The following TM9SF2 variants were observed in gnomAD, a reference collection of about 807,000 sequenced individuals.
The protein encoded by TM9SF2 is transmembrane 9 superfamily member 2.
Under a neutral mutation model 84.9 loss-of-function variants are expected in TM9SF2, and 13 were observed. That is an observed-to-expected ratio of 0.15 (90% CI 0.10 to 0.24). The LOEUF (loss-of-function observed/expected upper bound fraction) is 0.24. Among genes scored for constraint, TM9SF2 ranks in the 10% least tolerant of loss-of-function variants. The pLI is 1.00. For synonymous variants in TM9SF2, 273 were observed against 285.8 expected (o/e 0.96, Z 0.45); for missense variants, 562 against 818.5 (o/e 0.69, Z 3.82).
At chr13:99,529,873 A>G (rs28604874) in intron 4 of TM9SF2, among the ~76,000 whole-genome samples, 1 of 152,198 alleles carries the variant, frequency 6.6e-6, no homozygotes. Flanking sequence ...ATTCACATAC[A>G]GGCATACCTT....
chr13:99,518,634 T>A (rs2046145090), intron 2 of TM9SF2, among the ~76,000 whole-genome samples: 1 of 152,234 alleles, frequency 6.6e-6, no homozygotes, highest in African/African-American at 2.4e-5. Context: ...TCTTGCTCTG[T>A]TGCCCAGGCT....
chr13:99,524,216 C>T (rs758338576), intron 3 of TM9SF2, among the ~76,000 whole-genome samples: 18 of 152,172 alleles, frequency 1.2e-4, no homozygotes, highest in Non-Finnish European at 2.5e-4. Flanking sequence ...GAGAATGGAC[C>T]GTGGGGGTGC....
intron 10 of TM9SF2, among the ~76,000 whole-genome samples, chr13:99,546,615 A>C (rs2046283669): frequency 6.6e-6 from 1 of 151,928 alleles, no homozygotes; most frequent in Non-Finnish European, 1.5e-5. Flanking sequence ...TTAATGAAAG[A>C]ACAGTGGGAA....
At chr13:99,556,429 A>G (rs1190187802) in intron 15 of TM9SF2, among the ~76,000 whole-genome samples, 1 of 152,204 alleles carries the variant, frequency 6.6e-6, no homozygotes. Context: ...TTAGCAGCCA[A>G]CGGTCTGCTT....
chr13:99,561,136 G>A (rs1244372822), intron 16 of TM9SF2, among the ~76,000 whole-genome samples: 2 of 152,176 alleles, frequency 1.3e-5, no homozygotes, highest in Non-Finnish European at 2.9e-5. Flanking sequence ...GTGAACAGGT[G>A]GAAGCATTCT....
intron 14 of TM9SF2, among the ~76,000 whole-genome samples, 182 bp from the exon 15 acceptor site, chr13:99,555,354 A>G (rs749632651): frequency 2.2e-4 from 34 of 152,190 alleles, no homozygotes; most frequent in Non-Finnish European, 3.2e-4. Context: ...TGATACTGAC[A>G]TATCCTTCCT....
At chr13:99,512,045 C>T (rs1423189906) in intron 1 of TM9SF2, among the ~76,000 whole-genome samples, 1 of 152,170 alleles carries the variant, frequency 6.6e-6, no homozygotes, top group Non-Finnish European at 1.5e-5. Context: ...TAATAAGGTT[C>T]AGAAGGCTGA....
rs545335686 is a variant in TM9SF2, at chr13:99,519,214, T to A, written c.240-822T>A. On this transcript the variant is annotated intron_variant, in intron 2 of 16. Coordinates refer to ENST00000376387, the MANE Select transcript of TM9SF2 (RefSeq NM_004800.3). ...TTTCCAGTTTTTGTTTTGTTAAACATCTTTAAATCTTTGTGGATATTCTTA... is the reference window on the plus strand; with the variant it reads ...TTTCCAGTTTTTGTTTTGTTAAACAACTTTAAATCTTTGTGGATATTCTTA... 3.0e-4 allele frequency among the ~76,000 whole-genome samples: 46 copies of A among 152,254 alleles called. 1 individual carries two copies. In the South Asian group the frequency reaches 7.3e-3, roughly 24 times the overall value.
Position 99,501,752 on chromosome 13 carries a change from A to G in TM9SF2, c.146A>G (p.Glu49Gly), listed in dbSNP as rs752829268. 6.2e-7 allele frequency: 1 copy of G among 1,611,552 alleles called. No individual in the cohort carries two copies. The highest frequency in any genetic ancestry group is 1.1e-5 in the South Asian group (1 of 91,044). The change falls in exon 1 of 17, where the codon GAA (glutamate) becomes GGA (glycine). Residue 49 changes from glutamate (E) to glycine (G), a missense_variant. Physicochemically the swap from Glu to Gly is moderately conservative, Grantham distance 98 (BLOSUM62 -2). Transcript: ENST00000376387. ...CTGGCGCCCGTCAACTTCTGCGACG[A>G]AGAAAAAAAGAGCGACGAGTGCAAG... ...PGLAPVNFCD[E>G]EKKSDECKAE... is the part of the protein sequence containing the mutation.
chr13:99,542,761 C>T (rs569277613), intron 9 of TM9SF2, among the ~76,000 whole-genome samples: 1 of 152,276 alleles, frequency 6.6e-6, no homozygotes, highest in South Asian at 2.1e-4. Flanking sequence ...TTATAATTGG[C>T]TGTTCCACAT....
At chr13:99,530,716 C>G (rs1280091467) in intron 4 of TM9SF2, among the ~76,000 whole-genome samples, 2 of 152,184 alleles carry the variant, frequency 1.3e-5, no homozygotes, top group Non-Finnish European at 2.9e-5. Flanking sequence ...AAAACGCTTA[C>G]ATTTTGCTTA....
At chr13:99,525,970 T>C (rs550705831) in intron 3 of TM9SF2, among the ~76,000 whole-genome samples, 99 of 152,332 alleles carry the variant, frequency 6.5e-4, no homozygotes, top group Non-Finnish European at 5.7e-4. Context: ...GTCCTTGCTC[T>C]GGCAAGAAGG....
chr13:99,518,999 C>A (rs2046147249), intron 2 of TM9SF2, among the ~76,000 whole-genome samples: 1 of 151,830 alleles, frequency 6.6e-6, no homozygotes, highest in Non-Finnish European at 1.5e-5. Flanking sequence ...AAAACTGTTG[C>A]TAAAATTTAG....
chr13:99,551,565 G>C (rs2139108047), intron 12 of TM9SF2, among the ~76,000 whole-genome samples: 1 of 152,334 alleles, frequency 6.6e-6, no homozygotes, highest in East Asian at 1.9e-4. Flanking sequence ...AGGGAAAGTG[G>C]TTGCGCTTAA....
chr13:99,501,885 G>A (rs2046067749), intron 1 of TM9SF2, 108 bp downstream of exon 1: 2 of 1,461,552 alleles, frequency 1.4e-6, no homozygotes, highest in African/African-American at 2.9e-5. Flanking sequence ...CGTAGCAGCG[G>A]GTGGGGTTGA....
intron 1 of TM9SF2, chr13:99,514,219 G>A (rs2046124870): frequency 6.6e-6 from 1 of 152,184 alleles, no homozygotes; most frequent in Non-Finnish European, 1.5e-5. Context: ...TTTACAGTGT[G>A]TAAGTCTACA....
intron 1 of TM9SF2, among the ~76,000 whole-genome samples, chr13:99,503,054 C>T (rs558046691): frequency 1.3e-5 from 2 of 152,308 alleles, no homozygotes; most frequent in South Asian, 4.1e-4. Flanking sequence ...TACTTAAGTT[C>T]ATACTCTGCA....
intron 14 of TM9SF2, among the ~76,000 whole-genome samples, 170 bp from the exon 15 acceptor site, chr13:99,555,366 C>T (rs528597402): frequency 6.6e-6 from 1 of 152,302 alleles, no homozygotes; most frequent in East Asian, 1.9e-4. Flanking sequence ...ATCCTTCCTA[C>T]TCCTCCCCTT....
chr13:99,540,054 A>G (rs2046251427), intron 7 of TM9SF2, among the ~76,000 whole-genome samples: 1 of 152,208 alleles, frequency 6.6e-6, no homozygotes, highest in Admixed American at 6.5e-5. Context: ...TTTAAAATCA[A>G]GATTTAATTA....
Sources: allele counts gnomAD v4.1 joint callset (sites outside exome capture counted in the v4.1 genomes callset), GRCh38; gene constraint gnomAD v4.1.1; transcripts MANE v1.5; gene names NCBI Gene and HGNC (gene_info 2026-07-23, HGNC 2026-07-21).